The following NRK variants were observed in gnomAD, a reference collection of about 807,000 sequenced individuals.
The protein encoded by NRK is nik-related protein kinase.
Under a neutral mutation model 125.2 loss-of-function variants are expected in NRK, and 67 were observed. That is an observed-to-expected ratio of 0.54 (90% CI 0.44 to 0.66). NRK has a LOEUF of 0.66. Ranked by LOEUF, NRK falls within the 30% of genes least tolerant of loss-of-function variation. The pLI, the probability that NRK is intolerant of heterozygous loss-of-function variation, is 0.00. For synonymous variants in NRK, 458 were observed against 429.0 expected, an observed-to-expected ratio of 1.07 and a Z score of -0.84; for missense variants, 1,224 against 1,192.9, an observed-to-expected ratio of 1.03 and a Z score of -0.38.
intron 4 of NRK, among the ~76,000 whole-genome samples, chrX:105,882,214 A>G (rs894771450): frequency 9.1e-6 from 1 of 110,358 alleles, no homozygotes; most frequent in Non-Finnish European, 1.9e-5. Context: ...AAACATTACC[A>G]TCGTGTTTGA....
At chrX:105,915,595 C>A (rs900716118) in intron 14 of NRK, 135 bp from the exon 15 acceptor site, 6 of 361,201 alleles carry the variant, frequency 1.7e-5, no homozygotes, top group African/African-American at 1.6e-4. Context: ...GAAATAGAAT[C>A]TGTTTATTAA....
In NRK at chrX:105,915,741, A is replaced by G; in HGVS notation, c.2361A>G (p.Arg787=). The G allele has an allele frequency of 1.7e-6, 2 of 1,144,201 alleles. No homozygotes were observed. Among genetic ancestry groups the G allele is most frequent in the Non-Finnish European group, 2.4e-6 (2 of 837,028 alleles). 94.3% of individuals were successfully genotyped at this position (1,144,201 alleles called of 1,213,427 possible). The change falls in exon 15 of 29, where the codon AGA becomes AGG. Residue 787 remains arginine (R), a synonymous_variant. Transcript: ENST00000243300. The part of the protein sequence containing the change: ...SNPKKIEVQE[R]SPSVPNNQDH... The stretch of plus-strand genomic sequence containing the variant: ...ATTGTGTCTTTAAGGTTCAAGAGAG[A>G]TCTCCTTCTGTGCCTAACAACCAGG...
rs1037355121 is a variant in NRK, at chrX:105,937,566, G to C, written c.3783G>C (p.Leu1261Phe). ...TTCAAGTCTTAGAGCCACTCAATTT[G>C]CTGATTACCATCTCAGGTTTGTTTA... ...RQIQVLEPLN[L>F]LITISGHKNR... Residue 1261 changes from leucine to phenylalanine, a missense_variant, in exon 22 of 29, where the codon TTG becomes TTC. Transcript: ENST00000243300. 8.4e-7 allele frequency: 1 copy of C among 1,196,797 alleles called. No homozygotes were observed. The highest frequency in any genetic ancestry group is 1.1e-6 in the Non-Finnish European group (1 of 886,749).
At chrX:105,937,346 A>G (rs2040678657) in intron 21 of NRK, 93 bp from the exon 22 acceptor site, 2 of 418,886 alleles carry the variant, frequency 4.8e-6, no homozygotes, top group Non-Finnish European at 4.2e-6. Flanking sequence ...TCATCTTTAC[A>G]TAGATCAGCA....
At chrX:105,890,044 T>G (rs1191223194) in intron 5 of NRK, among the ~76,000 whole-genome samples, 3 of 111,797 alleles carry the variant, frequency 2.7e-5, no homozygotes, top group Non-Finnish European at 3.8e-5. Flanking sequence ...AGGCTGCAAA[T>G]TTTCCAAACT....
At chrX:105,928,690 A>G (rs1351332853) in intron 19 of NRK, among the ~76,000 whole-genome samples, 1 of 111,166 alleles carries the variant, frequency 9.0e-6, no homozygotes, top group Non-Finnish European at 1.9e-5. Context: ...CTGTGTTTCT[A>G]TATTCATTTG....
chrX:105,878,497 T>C lies in NRK; in HGVS notation c.124-1702T>C, dbSNP rs572817644. On this transcript the variant is annotated intron_variant, in intron 2 of 28. Coordinates refer to ENST00000243300, the MANE Select transcript of NRK (RefSeq NM_198465.4). ...GAGGTTGCAAAAATAGTGCTTTTTG[T>C]CTGATAAAAGAGAAAATTGTTTCTA... 1.4e-4 allele frequency among the ~76,000 whole-genome samples: 16 copies of C among 111,634 alleles called. No homozygotes were observed. The South Asian group carries it at 4.9e-3, about 34-fold the overall frequency.
rs2040275173 is a variant in NRK, at chrX:105,909,840, T to C, written c.2199T>C (p.Asp733=). Residue 733 remains aspartate (D), a synonymous_variant, in exon 13 of 29, where the codon GAT becomes GAC. Coordinates refer to ENST00000243300, the MANE Select transcript of NRK (RefSeq NM_198465.4). Reference sequence around the variant, plus strand: ...AAAGGCGCCAACGCAGATGGGAAGATATCTTTAATCAGCATGAGGAAGAAT... The same window carrying C: ...AAAGGCGCCAACGCAGATGGGAAGACATCTTTAATCAGCATGAGGAAGAAT... ...RRQRRQRRWE[D]IFNQHEEELR... is the part of the protein sequence containing the mutation. The C allele has an allele frequency of 8.6e-7, 1 of 1,165,386 alleles. No individual in the cohort carries two copies. Among genetic ancestry groups the C allele is most frequent in the South Asian group, 1.9e-5 (1 of 51,381 alleles).
rs777450234 is a variant in NRK at position 105,898,595 on chromosome X, G to A, written c.592G>A (p.Val198Met). 7 of 1,199,557 alleles carry A rather than the reference G, an allele frequency of 5.8e-6. No individual in the cohort carries two copies. Among genetic ancestry groups the A allele is most frequent in the Non-Finnish European group, 6.8e-6 (6 of 888,858 alleles). The change falls in exon 8 of 29, where the codon GTG becomes ATG. Residue 198 changes from valine to methionine, a missense_variant. By Grantham distance (21) the Val-to-Met change is conservative. Transcript: ENST00000243300. The stretch of plus-strand genomic sequence containing the variant: ...ATGATTTTTGGCAGTTGATTTTGGA[G>A]TGAGTGCCCAGGTGAGCAGAACTAA... Reference protein sequence around the residue: ...NAEVKLVDFGVSAQVSRTNGR... With the variant: ...NAEVKLVDFGMSAQVSRTNGR...
intron 1 of NRK, 65 bp downstream of exon 1, chrX:105,822,967 G>A: frequency 1.0e-6 from 1 of 989,668 alleles, no homozygotes. Flanking sequence ...GTACCAGAGG[G>A]AGGGAGCGGA....
intron 22 of NRK, among the ~76,000 whole-genome samples, 161 bp from the exon 23 acceptor site, chrX:105,939,713 C>T (rs892651552): frequency 9.0e-6 from 1 of 111,470 alleles, no homozygotes; most frequent in Non-Finnish European, 1.9e-5. Context: ...GTCATATTTC[C>T]AAATCCTGAA....
chrX:105,903,033 G>A (rs753236579), intron 9 of NRK, among the ~76,000 whole-genome samples: 3 of 110,923 alleles, frequency 2.7e-5, no homozygotes, highest in Non-Finnish European at 3.8e-5. Context: ...TTATACCAAG[G>A]CCAGAACATT....
At chrX:105,935,830 T>TAC (rs890984679) in intron 21 of NRK, among the ~76,000 whole-genome samples, 5 of 104,313 alleles carry the variant, frequency 4.8e-5, no homozygotes, top group South Asian at 4.0e-4. Flanking sequence ...TATATATATA[T>TAC]ACACAACTGG....
At chrX:105,914,861 A>G (rs2040345864) in intron 14 of NRK, among the ~76,000 whole-genome samples, 1 of 104,647 alleles carries the variant, frequency 9.6e-6, no homozygotes, top group African/African-American at 3.5e-5. Context: ...CTTTTTAAAG[A>G]ATCTAGTATG....
At chrX:105,856,161 T>G (rs2147672323) in intron 2 of NRK, among the ~76,000 whole-genome samples, 1 of 111,939 alleles carries the variant, frequency 8.9e-6, no homozygotes, top group Non-Finnish European at 1.9e-5. Context: ...CCAAGACATT[T>G]AAGAGAAAGC....
intron 18 of NRK, 38 bp downstream of exon 18, chrX:105,923,520 A>C (rs990094787): frequency 1.0e-6 from 1 of 1,003,167 alleles, no homozygotes; most frequent in African/African-American, 2.0e-5. Context: ...TCCATGTTTT[A>C]TGACTGCAGA....
chrX:105,853,838 A>G, intron 2 of NRK, among the ~76,000 whole-genome samples: 1 of 112,214 alleles, frequency 8.9e-6, no homozygotes, highest in Non-Finnish European at 1.9e-5. Flanking sequence ...TAAATCCCTA[A>G]AAGTTTAGAA....
chrX:105,945,777 T>G (rs1169380879), intron 24 of NRK, 95 bp from the exon 25 acceptor site: 11 of 721,258 alleles, frequency 1.5e-5, no homozygotes, highest in Admixed American at 2.9e-5. Context: ...GAATCCTGTT[T>G]GGCCTTTTGT....
chrX:105,847,505 A>G (rs2147661506), intron 2 of NRK, among the ~76,000 whole-genome samples: 1 of 112,390 alleles, frequency 8.9e-6, no homozygotes, highest in African/African-American at 3.2e-5. Flanking sequence ...CAACAGCAGC[A>G]TGCCCAGTGC....
Sources: allele counts gnomAD v4.1 joint callset (sites outside exome capture counted in the v4.1 genomes callset), GRCh38; gene constraint gnomAD v4.1.1; transcripts MANE v1.5; gene names NCBI Gene and HGNC (gene_info 2026-07-23, HGNC 2026-07-21).